INIP: variants seen among roughly 807,000 people sequenced by gnomAD.
The protein encoded by INIP is SOSS complex subunit C.
Under a neutral mutation model 14.0 loss-of-function variants are expected in INIP, and 9 were observed. The observed-to-expected ratio is 0.64, with a 90% CI of 0.39 to 1.12. INIP has a LOEUF of 1.12. INIP is among the 50% of genes most tolerant of loss of function. INIP has a pLI of 0.01. For missense variants in INIP, 78 were observed against 122.7 expected (o/e 0.64, Z 1.72); for synonymous variants, 37 against 41.5 (o/e 0.89, Z 0.41).
intron 2 of INIP, among the ~76,000 whole-genome samples, chr9:112,705,277 CT>C (rs1348872260): frequency 6.6e-6 from 1 of 151,868 alleles, no homozygotes; most frequent in Admixed American, 6.6e-5. Flanking sequence ...CATAATTTAA[CT>C]AAATAAGCTT....
intron 2 of INIP, among the ~76,000 whole-genome samples, chr9:112,713,312 T>C (rs1838704087): frequency 1.3e-5 from 2 of 152,184 alleles, no homozygotes; most frequent in African/African-American, 4.8e-5. Context: ...TAAATGTGAA[T>C]CAACCAGAAT....
At chr9:112,690,245 C>T (rs181710357) in intron 3 of INIP, among the ~76,000 whole-genome samples, 39 of 152,246 alleles carry the variant, frequency 2.6e-4, no homozygotes, top group Admixed American at 1.6e-3. Flanking sequence ...AATCCCAGGA[C>T]TTTGGGAGTC....
At chr9:112,716,346 A>G in intron 2 of INIP, 115 bp downstream of exon 2, 1 of 924,350 alleles carries the variant, frequency 1.1e-6, no homozygotes. Context: ...CCGGCCTGCT[A>G]TTCATTTTTT....
Position 112,686,838 on chromosome 9 carries a change from C to T in INIP, c.*700G>A, listed in dbSNP as rs1395291784. The T allele has an allele frequency of 6.6e-6, 1 of 152,200 alleles. No homozygotes were observed. Among genetic ancestry groups the T allele is most frequent in the East Asian group, 1.9e-4 (1 of 5,194 alleles). The allele number at this position is 152,200 out of a possible 1,614,324, so 9.4% of individuals were successfully genotyped here. ...AGAACAAAAATGGAAAACAGAACCA[C>T]ACAAACTCATCATTTATGTGGTAAC... On this transcript the variant is annotated 3_prime_UTR_variant, in exon 5 of 5. Transcript: ENST00000374242.
At chr9:112,702,338 T>C (rs1366273578) in intron 2 of INIP, among the ~76,000 whole-genome samples, 2 of 152,196 alleles carry the variant, frequency 1.3e-5, no homozygotes, top group Non-Finnish European at 1.5e-5. Flanking sequence ...GATAATCTGA[T>C]CAATAATGTT....
chr9:112,709,637 C>T (rs1276414758), intron 2 of INIP, among the ~76,000 whole-genome samples: 1 of 152,154 alleles, frequency 6.6e-6, no homozygotes, highest in Admixed American at 6.5e-5. Context: ...TTCTTTCTCC[C>T]TAGTCATCAG....
chr9:112,689,077 T>G (rs1284428256), intron 4 of INIP, among the ~76,000 whole-genome samples: 1 of 151,952 alleles, frequency 6.6e-6, no homozygotes, highest in Non-Finnish European at 1.5e-5. Context: ...AGTCCTATAG[T>G]AAGAGTTAGC....
At chr9:112,690,351 G>A (rs1271417696) in intron 3 of INIP, among the ~76,000 whole-genome samples, 1 of 152,176 alleles carries the variant, frequency 6.6e-6, no homozygotes, top group Non-Finnish European at 1.5e-5. Context: ...ACCAGGTATG[G>A]TGGCATGTGC....
chr9:112,691,647 A>T (rs940869219), intron 3 of INIP, among the ~76,000 whole-genome samples: 1 of 152,264 alleles, frequency 6.6e-6, no homozygotes, highest in Non-Finnish European at 1.5e-5. Context: ...TCCACAAAAG[A>T]AATCAAGATA....
intron 3 of INIP, among the ~76,000 whole-genome samples, chr9:112,691,417 T>C (rs1315127491): frequency 6.6e-6 from 1 of 152,156 alleles, no homozygotes; most frequent in Non-Finnish European, 1.5e-5. Flanking sequence ...ACATACTACA[T>C]TTGAAATGCC....
intron 2 of INIP, among the ~76,000 whole-genome samples, chr9:112,709,213 G>C (rs1838573352): frequency 4.0e-5 from 6 of 151,702 alleles, no homozygotes; most frequent in Admixed American, 3.9e-4. Flanking sequence ...AAACTCACAG[G>C]CCCTTTTCAT....
At position 112,695,226 on chromosome 9, in the gene INIP, A is replaced by C. The variant is rs1037395839; in HGVS notation, c.26-993T>G. ...CCCTAATTTAGAAAAACAAAAAGAA[A>C]GATTAAAGGACTGGAAAACAGAACT... On this transcript the variant is annotated intron_variant, in intron 2 of 4. Coordinates refer to ENST00000374242, the MANE Select transcript of INIP (RefSeq NM_021218.3). 1.1e-4 allele frequency among the ~76,000 whole-genome samples: 17 copies of C among 151,188 alleles called. No individual in the cohort carries two copies. The South Asian group carries it at 3.4e-3, about 30-fold the overall frequency.
At chr9:112,715,133 TACACACAC>T (rs58647648) in intron 2 of INIP, among the ~76,000 whole-genome samples, 25,277 of 133,420 alleles carry the variant, frequency 0.19, 2,589 homozygotes, top group Admixed American at 0.29. Context: ...CATACATACA[TACACACAC>T]ACACACACAC....
At chr9:112,717,803 C>T (rs1184629094) in intron 1 of INIP, among the ~76,000 whole-genome samples, 184 bp downstream of exon 1, 1 of 152,118 alleles carries the variant, frequency 6.6e-6, no homozygotes, top group African/African-American at 2.4e-5. Flanking sequence ...TCCCTGCCTA[C>T]GGATGTGCAG....
chr9:112,711,177 AAAATT>A (rs1202371134), intron 2 of INIP, among the ~76,000 whole-genome samples: 19 of 152,270 alleles, frequency 1.2e-4, no homozygotes, highest in Admixed American at 5.2e-4. Flanking sequence ...CTCTTAAAAA[AAAATT>A]AAATTAAAGA....
chr9:112,693,390 C>T (rs980370896), intron 3 of INIP, among the ~76,000 whole-genome samples: 13 of 152,216 alleles, frequency 8.5e-5, no homozygotes, highest in African/African-American at 3.1e-4. Flanking sequence ...GCAGAGGACT[C>T]TGCCAACAAG....
At chr9:112,707,648 A>T (rs1564238568) in intron 2 of INIP, among the ~76,000 whole-genome samples, 3 of 152,160 alleles carry the variant, frequency 2.0e-5, no homozygotes, top group Non-Finnish European at 4.4e-5. Context: ...GACTAACTGA[A>T]ATTCTTCTTA....
At chr9:112,710,541 A>G (rs1432548663) in intron 2 of INIP, among the ~76,000 whole-genome samples, 2 of 152,152 alleles carry the variant, frequency 1.3e-5, no homozygotes, top group Non-Finnish European at 2.9e-5. Context: ...TTGAAAGCCT[A>G]CCAAATGTTC....
intron 3 of INIP, among the ~76,000 whole-genome samples, chr9:112,693,611 C>T (rs1043296224): frequency 6.6e-6 from 1 of 152,172 alleles, no homozygotes; most frequent in Non-Finnish European, 1.5e-5. Context: ...GTTAATCTGT[C>T]TTTTGTTACA....
Sources: gnomAD v4.1 joint callset for allele counts (sites outside exome capture counted in the v4.1 genomes callset) on GRCh38, gnomAD v4.1.1 for gene constraint, MANE v1.5 for transcripts, NCBI Gene and HGNC (gene_info 2026-07-23, HGNC 2026-07-21) for gene names.